Variants in ROBO2 observed in about 807,000 individuals in gnomAD.
ROBO2 encodes roundabout guidance receptor 2, also known as roundabout homolog 2.
Under a neutral mutation model 160.8 loss-of-function variants are expected in ROBO2, and 53 were observed. The observed-to-expected ratio is 0.33, with a 90% CI of 0.26 to 0.41. The LOEUF (loss-of-function observed/expected upper bound fraction) is 0.41. Among genes scored for constraint, ROBO2 ranks in the 10% least tolerant of loss-of-function variants. The probability of loss-of-function intolerance (pLI) is 1.00; values close to 1 mark genes in which losing one functional copy is unlikely to be tolerated. For missense variants in ROBO2, 1,577 were observed against 1,722.4 expected (o/e 0.92, Z 1.49); for synonymous variants, 664 against 611.7 (o/e 1.09, Z -1.26).
At chr3:77,638,807 C>G (rs963222370) in intron 24 of ROBO2, among the ~76,000 whole-genome samples, 1 of 141,874 alleles carries the variant, frequency 7.0e-6, no homozygotes, top group East Asian at 2.1e-4. Flanking sequence ...CCTATTCTCC[C>G]TTTCACCTAG....
At chr3:77,111,669 CATTTT>C (rs947525451) in intron 2 of ROBO2, among the ~76,000 whole-genome samples, 71 of 152,032 alleles carry the variant, frequency 4.7e-4, no homozygotes, top group Middle Eastern at 3.4e-3. Context: ...GATTTTATTT[CATTTT>C]CTTTTTTAGG....
intron 2 of ROBO2, among the ~76,000 whole-genome samples, chr3:76,556,764 T>C (rs1394438096): frequency 6.6e-6 from 1 of 152,154 alleles, no homozygotes; most frequent in Non-Finnish European, 1.5e-5. Context: ...TATAATGGAA[T>C]GTGTGCCAAT....
At chr3:76,373,447 T>G (rs1243404498) in intron 2 of ROBO2, among the ~76,000 whole-genome samples, 1 of 151,968 alleles carries the variant, frequency 6.6e-6, no homozygotes, top group Non-Finnish European at 1.5e-5. Context: ...ATAATTTGGA[T>G]GGACAGTTTC....
At chr3:75,983,710 T>A (rs578162810) in intron 2 of ROBO2, among the ~76,000 whole-genome samples, 2 of 151,424 alleles carry the variant, frequency 1.3e-5, no homozygotes, top group South Asian at 4.2e-4. Context: ...CCTAACTGAA[T>A]TTTTGATATC....
At chr3:76,619,049 G>GA (rs1218179913) in intron 2 of ROBO2, among the ~76,000 whole-genome samples, 2 of 151,590 alleles carry the variant, frequency 1.3e-5, no homozygotes, top group Non-Finnish European at 2.9e-5. Flanking sequence ...AAAAAGGAAA[G>GA]AAAAAAATAG....
intron 2 of ROBO2, among the ~76,000 whole-genome samples, chr3:76,581,090 T>G (rs2085673890): frequency 6.6e-6 from 1 of 152,214 alleles, no homozygotes; most frequent in African/African-American, 2.4e-5. Flanking sequence ...CAATGTAGTA[T>G]TTGTATGTAC....
In ROBO2 at chr3:77,610,596, A is replaced by G. The variant is rs949283055; in HGVS notation, c.3293+2642A>G. ...CTGTTGGATGCCAGGCACTGAGCCA[A>G]AAATAAGGACAAAGATAGCAAGAAA... On this transcript the variant is annotated intron_variant, in intron 21 of 25. Coordinates refer to ENST00000461745, the Ensembl canonical transcript of ROBO2. 2.6e-5 allele frequency among the ~76,000 whole-genome samples: 4 copies of G among 152,220 alleles called. No homozygotes were observed. The East Asian group carries it at 7.7e-4, about 29-fold the overall frequency.
At chr3:77,515,987 A>G (rs2089977490) in intron 5 of ROBO2, among the ~76,000 whole-genome samples, 2 of 151,626 alleles carry the variant, frequency 1.3e-5, no homozygotes, top group Non-Finnish European at 3.0e-5. Context: ...GCATAATAAA[A>G]GAGTATTTTT....
At chr3:76,025,795 G>C (rs753353404) in intron 2 of ROBO2, among the ~76,000 whole-genome samples, 4 of 151,770 alleles carry the variant, frequency 2.6e-5, no homozygotes, top group Admixed American at 6.6e-5. Context: ...CTAGTCACAA[G>C]AATCTCAAGG....
chr3:76,331,193 G>A (rs2108026263), intron 2 of ROBO2, among the ~76,000 whole-genome samples: 1 of 152,252 alleles, frequency 6.6e-6, no homozygotes, highest in Admixed American at 6.5e-5. Context: ...AAGTTAGAAT[G>A]TAGTTTTGTA....
chr3:76,994,719 T>A (rs2060888862), intron 2 of ROBO2, among the ~76,000 whole-genome samples: 1 of 152,198 alleles, frequency 6.6e-6, no homozygotes, highest in African/African-American at 2.4e-5. Context: ...ATTACAGTTT[T>A]GTGAAATTAT....
At chr3:76,840,451 T>G (rs1478427770) in intron 2 of ROBO2, among the ~76,000 whole-genome samples, 1 of 150,548 alleles carries the variant, frequency 6.6e-6, no homozygotes, top group Admixed American at 6.6e-5. Flanking sequence ...CTACTAAAAA[T>G]ACAAAAAAAA....
chr3:76,031,546 G>A lies in ROBO2; in HGVS notation c.109+93944G>A, dbSNP rs188981536. ...TTTTGAGATAGGTCCCATCAATACC[G>A]AATTTATTAAGAGTTTTTAGCATGA... is the stretch of plus-strand genomic sequence containing the variant. On this transcript the variant is annotated intron_variant, in intron 2 of 26. Coordinates refer to the ROBO2 transcript ENST00000487694. 2.6e-5 allele frequency among the ~76,000 whole-genome samples: 4 copies of A among 152,058 alleles called. No homozygotes were observed. In the East Asian group the frequency reaches 5.8e-4, roughly 22 times the overall value.
intron 2 of ROBO2, among the ~76,000 whole-genome samples, chr3:76,607,756 A>G (rs1333986456): frequency 6.6e-6 from 1 of 152,218 alleles, no homozygotes; most frequent in East Asian, 1.9e-4. Context: ...CCTATCACCC[A>G]GCAAATATTT....
At chr3:76,538,153 A>T (rs762292485) in intron 2 of ROBO2, among the ~76,000 whole-genome samples, 2 of 72,970 alleles carry the variant, frequency 2.7e-5, no homozygotes, top group Non-Finnish European at 4.5e-5. Context: ...GACAGAACTC[A>T]CACACACACA....
At chr3:77,364,112 G>A (rs534723975) in intron 2 of ROBO2, among the ~76,000 whole-genome samples, 11 of 152,308 alleles carry the variant, frequency 7.2e-5, no homozygotes, top group African/African-American at 2.6e-4. Context: ...ATGCTTAATT[G>A]CTAAAGTCTT....
intron 1 of ROBO2, among the ~76,000 whole-genome samples, chr3:77,062,582 G>C (rs543888862): frequency 6.6e-6 from 1 of 152,186 alleles, no homozygotes; most frequent in Non-Finnish European, 1.5e-5. Flanking sequence ...TGATTGTGTG[G>C]TAGCCTTTAG....
At chr3:76,238,648 G>A (rs1237069758) in intron 2 of ROBO2, among the ~76,000 whole-genome samples, 1 of 151,284 alleles carries the variant, frequency 6.6e-6, no homozygotes, top group Non-Finnish European at 1.5e-5. Flanking sequence ...GACATGAGGG[G>A]ATTATGTGAG....
At chr3:75,981,932 C>T (rs1425447824) in intron 2 of ROBO2, among the ~76,000 whole-genome samples, 2 of 151,470 alleles carry the variant, frequency 1.3e-5, no homozygotes, top group Admixed American at 6.6e-5. Context: ...CCTACCCTTC[C>T]CAGCTTCTGG....
Sources: gnomAD v4.1 joint callset for allele counts (sites outside exome capture counted in the v4.1 genomes callset) on GRCh38, gnomAD v4.1.1 for gene constraint, MANE v1.5 for transcripts, NCBI Gene and HGNC (gene_info 2026-07-23, HGNC 2026-07-21) for gene names.